The following VPS13C variants were observed in gnomAD, a reference collection of about 807,000 sequenced individuals.
The protein encoded by VPS13C is vacuolar protein sorting 13 homolog C, also known as intermembrane lipid transfer protein VPS13C.
A neutral mutation model predicts 456.8 loss-of-function variants in VPS13C; 358 were observed. The ratio of observed to expected loss-of-function variants is 0.78; its 90% CI spans 0.72 to 0.86. VPS13C has a LOEUF of 0.86. Ranked by LOEUF, VPS13C falls within the 40% of genes least tolerant of loss-of-function variation. VPS13C has a pLI of 0.00. For synonymous variants in VPS13C, 1,578 were observed against 1,486.7 expected, an observed-to-expected ratio of 1.06 and a Z score of -1.41; for missense variants, 4,818 against 4,385.4, an observed-to-expected ratio of 1.10 and a Z score of -2.79.
intron 66 of VPS13C, among the ~76,000 whole-genome samples, chr15:61,893,587 A>T (rs182691190): frequency 6.6e-6 from 1 of 151,548 alleles, no homozygotes; most frequent in East Asian, 1.9e-4. Context: ...ATTGAGAATA[A>T]TCTAACACCA....
chr15:61,931,216 T>C lies in VPS13C; in HGVS notation c.5912A>G (p.Glu1971Gly), dbSNP rs149819942. Residue 1971 changes from glutamate (E) to glycine (G), a missense_variant, in exon 50 of 85, where the codon GAA becomes GGA. By Grantham distance (98) the Glu-to-Gly change is moderately conservative. Transcript: ENST00000644861. ...GGAGGCCATAAGATGTAGTCTGAGT[T>C]CACCAAGTTGGAAACTGTCATTATG... ...AFHNDSFQLGELRLHLMASSG... is the reference protein window; with the variant it reads ...AFHNDSFQLGGLRLHLMASSG... 2 of 1,613,912 alleles carry C rather than the reference T, an allele frequency of 1.2e-6. No homozygotes were observed. The highest frequency in any genetic ancestry group is 2.7e-5 in the African/African-American group (2 of 74,950).
Position 61,878,797 on chromosome 15 carries a change from C to T in VPS13C, c.10003-51G>A, listed in dbSNP as rs368813269. 13 of 1,541,174 alleles carry T rather than the reference C, an allele frequency of 8.4e-6. No homozygotes were observed. The African/African-American group carries it at 1.4e-4, about 16-fold the overall frequency. ...ATGAAAGCTAAAAGTGAAAAATTTA[C>T]ATATTTAGGATCCAGGTAGTCCAGA... On this transcript the variant is annotated intron_variant, in intron 73 of 84. Coordinates refer to ENST00000644861, the MANE Select transcript of VPS13C (RefSeq NM_020821.3).
At chr15:62,005,387 CT>C (rs1444380056) in intron 15 of VPS13C, among the ~76,000 whole-genome samples, 1 of 152,144 alleles carries the variant, frequency 6.6e-6, no homozygotes, top group Non-Finnish European at 1.5e-5. Context: ...TTCCTCCATC[CT>C]TTTATTTTGA....
intron 66 of VPS13C, among the ~76,000 whole-genome samples, chr15:61,906,259 G>C (rs540299640): frequency 6.6e-6 from 1 of 152,228 alleles, no homozygotes; most frequent in South Asian, 2.1e-4. Flanking sequence ...CTTGCTTATA[G>C]CTCAATTTTC....
At chr15:61,933,576 T>C (rs1425327815) in intron 49 of VPS13C, among the ~76,000 whole-genome samples, 1 of 152,068 alleles carries the variant, frequency 6.6e-6, no homozygotes. Flanking sequence ...TATTAAAATA[T>C]GCCATATGTA....
At chr15:61,980,416 G>T (rs972511050) in intron 22 of VPS13C, among the ~76,000 whole-genome samples, 1 of 152,098 alleles carries the variant, frequency 6.6e-6, no homozygotes, top group Non-Finnish European at 1.5e-5. Flanking sequence ...GATAGCATCC[G>T]CTTATTGTGA....
chr15:62,013,005 G>T, intron 11 of VPS13C, 34 bp downstream of exon 11: 1 of 1,540,510 alleles, frequency 6.5e-7, no homozygotes. Context: ...GGATGGGAGT[G>T]AAGTTAGCTC....
chr15:62,027,715 T>C (rs1410780703), intron 6 of VPS13C, among the ~76,000 whole-genome samples: 1 of 152,118 alleles, frequency 6.6e-6, no homozygotes, highest in Non-Finnish European at 1.5e-5. Flanking sequence ...AATAAGATTA[T>C]GTAAAATACT....
In VPS13C at chr15:61,915,757, A is replaced by G. The variant is rs1228830348; in HGVS notation, c.8321T>C (p.Leu2774Ser). 1.2e-6 allele frequency: 2 copies of G among 1,614,168 alleles called. No homozygotes were observed. Among genetic ancestry groups the G allele is most frequent in the Non-Finnish European group, 1.7e-6 (2 of 1,180,030 alleles). Residue 2774 changes from leucine to serine, a missense_variant, in exon 61 of 85, where the codon TTA (leucine) becomes TCA (serine). Physicochemically the swap from Leu to Ser is moderately radical, Grantham distance 145 (BLOSUM62 -2). This residue lies in a region of VPS13C where 4,552 missense variants were observed against 4,130.6 expected (regional missense o/e 1.10). Coordinates refer to ENST00000644861, the MANE Select transcript of VPS13C (RefSeq NM_020821.3). ...MVLSVFSPYW[L>S]INKTTRVLQY... ...GAGAACCCGGGTAGTCTTGTTGATT[A>G]ACCAATAGGGACTAAAGACAGACAG...
intron 66 of VPS13C, among the ~76,000 whole-genome samples, chr15:61,892,068 C>A (rs1489596921): frequency 1.3e-5 from 2 of 152,230 alleles, no homozygotes; most frequent in Non-Finnish European, 2.9e-5. Flanking sequence ...AGAAAGCCAG[C>A]TTCCTCACCA....
rs2047240768 is a variant in VPS13C, at chr15:62,016,202, T to C, written c.685-2210A>G. Among the ~76,000 whole-genome samples the C allele has an allele frequency of 2.6e-5, 4 of 151,342 alleles. No individual in the cohort carries two copies. The South Asian group carries it at 8.3e-4, about 31-fold the overall frequency. The stretch of plus-strand genomic sequence containing the variant: ...TCTTTCCTTATTGAGGCCCTCTCCA[T>C]ATAAGTAGTCATAAGGCAAACTTGT... On this transcript the variant is annotated intron_variant, in intron 9 of 84. Coordinates refer to ENST00000644861, the MANE Select transcript of VPS13C (RefSeq NM_020821.3).
At position 61,964,718 on chromosome 15, in the gene VPS13C, T is replaced by G; in HGVS notation, c.3195A>C (p.Lys1065Asn). 6.2e-7 allele frequency: 1 copy of G among 1,602,764 alleles called. No individual in the cohort carries two copies. Among genetic ancestry groups the G allele is most frequent in the Non-Finnish European group, 8.5e-7 (1 of 1,176,458 alleles). ...TCATACCTTTTGGCAGAGTTGAATTTTTTTGTTGTTTTTCAGTTGAAATTT... is the reference window on the plus strand; with the variant it reads ...TCATACCTTTTGGCAGAGTTGAATTGTTTTGTTGTTTTTCAGTTGAAATTT... ...EVQISTEKQQ[K>N]NSTLPKAIVS... The change falls in exon 31 of 85, where the codon AAA becomes AAC. Residue 1065 changes from lysine to asparagine, a missense_variant. By Grantham distance (94) the Lys-to-Asn change is moderately conservative. Transcript: ENST00000644861.
intron 1 of VPS13C, among the ~76,000 whole-genome samples, chr15:62,059,132 C>T (rs954521693): frequency 2.0e-5 from 3 of 152,148 alleles, no homozygotes; most frequent in African/African-American, 7.2e-5. Flanking sequence ...ATTATTTCAA[C>T]ACATAAGCAA....
chr15:61,866,815 C>G (rs972916065), intron 81 of VPS13C: 3 of 977,046 alleles, frequency 3.1e-6, no homozygotes, highest in Middle Eastern at 5.2e-4. Context: ...ATTTTGATAA[C>G]TGCAATCCTT....
intron 62 of VPS13C, 114 bp downstream of exon 62, chr15:61,913,197 C>T: frequency 2.2e-6 from 2 of 914,318 alleles, no homozygotes; most frequent in Non-Finnish European, 3.5e-6. Context: ...ACCCAAAGGA[C>T]TATAAATCAT....
chr15:61,884,204 A>T lies in VPS13C; in HGVS notation c.9407T>A (p.Ile3136Asn), dbSNP rs774842463. Residue 3136 changes from isoleucine to asparagine, a missense_variant, in exon 68 of 85, where the codon ATC becomes AAC. Physicochemically the swap from Ile to Asn is moderately radical, Grantham distance 149. Transcript: ENST00000644861. The part of the protein sequence containing the change: ...KWKPFSQKQI[I>N]LLEQSYQKHQ... Reference sequence around the variant, plus strand: ...TTTCTGATAGGATTGTTCCAATAAGATTATCTGCTTTTGACTAAATGGCTT... The same window carrying T: ...TTTCTGATAGGATTGTTCCAATAAGTTTATCTGCTTTTGACTAAATGGCTT... The T allele has an allele frequency of 6.2e-7, 1 of 1,611,086 alleles. No homozygotes were observed. Among genetic ancestry groups the T allele is most frequent in the Non-Finnish European group, 8.5e-7 (1 of 1,178,858 alleles).
rs531441687 is a variant in VPS13C at position 61,895,155 on chromosome 15, TAAAAC to T, written c.9106-4760_9106-4756del. On this transcript the variant is annotated intron_variant, in intron 66 of 84. Coordinates refer to ENST00000644861, the MANE Select transcript of VPS13C (RefSeq NM_020821.3). The stretch of plus-strand genomic sequence containing the variant: ...TTAAGAAGGAAATAAAAAATTTTCT[TAAAAC>T]AAATGAAAATGGAAACACAATATAT... Among the ~76,000 whole-genome samples the T allele has an allele frequency of 1.9e-3, 287 of 152,120 alleles. 4 individuals carry two copies. Among genetic ancestry groups the T allele is most frequent in the Admixed American group, 0.016 (250 of 15,286 alleles).
chr15:61,870,097 A>T (rs1894904993), intron 79 of VPS13C, among the ~76,000 whole-genome samples: 1 of 152,242 alleles, frequency 6.6e-6, no homozygotes, highest in Non-Finnish European at 1.5e-5. Context: ...ACCATTTAAA[A>T]TGTACAAATT....
intron 53 of VPS13C, among the ~76,000 whole-genome samples, chr15:61,924,737 G>C (rs1421813767): frequency 6.6e-6 from 1 of 152,114 alleles, no homozygotes; most frequent in Non-Finnish European, 1.5e-5. Context: ...AATGAAATGA[G>C]TTTGAGCCTT....
Sources: allele counts gnomAD v4.1 joint callset (sites outside exome capture counted in the v4.1 genomes callset), GRCh38; gene constraint gnomAD v4.1.1; regional missense constraint gnomAD v4.1.1; transcripts MANE v1.5; gene names NCBI Gene and HGNC (gene_info 2026-07-23, HGNC 2026-07-21).